The following DENND5B variants were observed in gnomAD, a reference collection of about 807,000 sequenced individuals.
DENND5B encodes DENN domain containing 5B.
DENND5B carries 34 observed loss-of-function variants against 140.6 expected under a neutral mutation model. The observed-to-expected ratio is 0.24, with a 90% CI of 0.18 to 0.32. The LOEUF (loss-of-function observed/expected upper bound fraction) is 0.32, where lower values mean the gene tolerates loss of function less well. Ranked by LOEUF, DENND5B falls within the 10% of genes least tolerant of loss-of-function variation. The pLI is 1.00. For synonymous variants in DENND5B, 551 were observed against 562.1 expected, an observed-to-expected ratio of 0.98 and a Z score of 0.28; for missense variants, 1,142 against 1,560.2, an observed-to-expected ratio of 0.73 and a Z score of 4.52.
chr12:31,479,987 G>T lies in DENND5B; in HGVS notation c.506C>A (p.Ser169Tyr), dbSNP rs1945994992. Residue 169 changes from serine (S) to tyrosine (Y), a missense_variant, in exon 3 of 21, where the codon TCC (serine) becomes TAC (tyrosine). Around this residue, in one of 5 missense-constraint regions of DENND5B, gnomAD observed 708 missense variants for 905.5 expected, o/e 0.78. Coordinates refer to ENST00000389082, the MANE Select transcript of DENND5B (RefSeq NM_144973.4). ...GTTGTATCGCTGGAGTTTCAAAAGG[G>T]AAGTTGTATCTCCTTCATCAAGACT... ...ASSLDEGDTTSLLKLQRYNSY... is the reference protein window; with the variant it reads ...ASSLDEGDTTYLLKLQRYNSY... 6.2e-7 allele frequency: 1 copy of T among 1,613,874 alleles called. No individual in the cohort carries two copies. Among genetic ancestry groups the T allele is most frequent in the African/African-American group, 1.3e-5 (1 of 74,926 alleles).
chr12:31,559,529 C>T (rs111512479), intron 1 of DENND5B, among the ~76,000 whole-genome samples: 1 of 152,160 alleles, frequency 6.6e-6, no homozygotes, highest in South Asian at 2.1e-4. Flanking sequence ...TATGTTCAAC[C>T]GCTGATGATT....
Position 31,424,657 on chromosome 12 carries a change from G to A in DENND5B, c.2269C>T (p.His757Tyr), listed in dbSNP as rs756014330. Residue 757 changes from histidine (H) to tyrosine (Y), a missense_variant, in exon 10 of 21, where the codon CAT becomes TAT. This residue lies in a region of DENND5B where 33 missense variants were observed against 90.8 expected (regional missense o/e 0.36). Coordinates refer to ENST00000389082, the MANE Select transcript of DENND5B (RefSeq NM_144973.4). The stretch of plus-strand genomic sequence containing the variant: ...CCATGGCCAAGTTCCACCGCTTCAT[G>A]TCCCATCTTCTCCACCAACATGCGC... The part of the protein sequence containing the change: ...TKRMLVEKMG[H>Y]EAVELGHGEA... The A allele has an allele frequency of 5.0e-6, 8 of 1,613,890 alleles. No individual in the cohort carries two copies. In the Admixed American group the frequency reaches 1.3e-4, roughly 27 times the overall value.
chr12:31,449,731 G>GTTGTTTTT (rs1555149740), intron 5 of DENND5B, among the ~76,000 whole-genome samples: 1 of 89,970 alleles, frequency 1.1e-5, no homozygotes, highest in Non-Finnish European at 2.1e-5. Flanking sequence ...ACACAGATTA[G>GTTGTTTTT]TTTTTTTTTT....
At chr12:31,559,952 A>C (rs1360276919) in intron 1 of DENND5B, among the ~76,000 whole-genome samples, 1 of 152,014 alleles carries the variant, frequency 6.6e-6, no homozygotes, top group African/African-American at 2.4e-5. Flanking sequence ...ATACTTAGTA[A>C]TTTTTCCCCT....
chr12:31,387,896 T>C (rs1478160840), intron 20 of DENND5B, 110 bp from the exon 21 acceptor site: 2 of 1,132,704 alleles, frequency 1.8e-6, no homozygotes, highest in African/African-American at 3.1e-5. Flanking sequence ...TGGTACAAAA[T>C]GTATCCAAGC....
At chr12:31,574,264 A>AAAAAATAATAAT (rs1949925530) in intron 1 of DENND5B, among the ~76,000 whole-genome samples, 1 of 48,540 alleles carries the variant, frequency 2.1e-5, no homozygotes, top group African/African-American at 1.2e-4. Flanking sequence ...CCCTGTCTCT[A>AAAAAATAATAAT]AAAAATAATA....
chr12:31,533,793 A>G (rs1384548388), intron 1 of DENND5B, among the ~76,000 whole-genome samples: 1 of 152,160 alleles, frequency 6.6e-6, no homozygotes, highest in East Asian at 1.9e-4. Context: ...GTGGTAGGGG[A>G]GGCAGTATAC....
chr12:31,420,551 C>T (rs573663080), intron 11 of DENND5B, among the ~76,000 whole-genome samples: 1 of 151,882 alleles, frequency 6.6e-6, no homozygotes, highest in African/African-American at 2.4e-5. Context: ...TCAAGAGATA[C>T]TCATGCCTCA....
chr12:31,556,892 T>C (rs1949304882), intron 1 of DENND5B, among the ~76,000 whole-genome samples: 2 of 152,160 alleles, frequency 1.3e-5, no homozygotes, highest in Non-Finnish European at 1.5e-5. Flanking sequence ...CTTAGAAATG[T>C]GACTTGAAGG....
intron 11 of DENND5B, among the ~76,000 whole-genome samples, chr12:31,421,963 C>A (rs1192321585): frequency 6.6e-6 from 1 of 152,068 alleles, no homozygotes; most frequent in Non-Finnish European, 1.5e-5. Flanking sequence ...GACAACAGAA[C>A]CTTGGCATTC....
chr12:31,425,443 T>C lies in DENND5B; in HGVS notation c.2239-756A>G, dbSNP rs79536034. Among the ~76,000 whole-genome samples the C allele has an allele frequency of 5.0e-3, 755 of 152,364 alleles. 5 individuals carry two copies. Among genetic ancestry groups the C allele is most frequent in the Non-Finnish European group, 8.3e-3 (562 of 68,032 alleles). On this transcript the variant is annotated intron_variant, in intron 9 of 20. Transcript: ENST00000389082. ...CTAAAGATTCTTGCACTTAGTTTGATTGCACTTAGGTAAAAACCAGAATAC... is the reference window on the plus strand; with the variant it reads ...CTAAAGATTCTTGCACTTAGTTTGACTGCACTTAGGTAAAAACCAGAATAC...
intron 1 of DENND5B, among the ~76,000 whole-genome samples, chr12:31,498,642 GAACT>G (rs1274800832): frequency 2.0e-5 from 3 of 152,072 alleles, no homozygotes; most frequent in Admixed American, 6.6e-5. Flanking sequence ...ATTAGGGGAA[GAACT>G]AACTATGTAG....
At position 31,460,342 on chromosome 12, in the gene DENND5B, G is replaced by A. The variant is rs761798974; in HGVS notation, c.944C>T (p.Thr315Ile). ...RLMTVAEGIT[T>I]LLFPFQWQHV... ...TTGCCATTGAAATGGGAACAAAAGTGTGGTGATGCCTTCTGCCACAGTCAT... is the reference window on the plus strand; with the variant it reads ...TTGCCATTGAAATGGGAACAAAAGTATGGTGATGCCTTCTGCCACAGTCAT... The change falls in exon 4 of 21, where the codon ACA becomes ATA. Residue 315 changes from threonine (T) to isoleucine (I), a missense_variant. Thr to Ile is a moderately conservative substitution (Grantham distance 89, BLOSUM62 -1). This residue lies in a region of DENND5B where 708 missense variants were observed against 905.5 expected (regional missense o/e 0.78). Coordinates refer to ENST00000389082, the MANE Select transcript of DENND5B (RefSeq NM_144973.4). 6.2e-7 allele frequency: 1 copy of A among 1,613,968 alleles called. No homozygotes were observed. Among genetic ancestry groups the A allele is most frequent in the South Asian group, 1.1e-5 (1 of 91,076 alleles).
At chr12:31,463,221 T>C (rs1183903123) in intron 3 of DENND5B, among the ~76,000 whole-genome samples, 1 of 152,174 alleles carries the variant, frequency 6.6e-6, no homozygotes, top group African/African-American at 2.4e-5. Context: ...ATCGTACCAC[T>C]GCACTCCAGG....
intron 13 of DENND5B, among the ~76,000 whole-genome samples, chr12:31,410,393 ATTATTTAT>A (rs959844507): frequency 6.6e-6 from 1 of 151,928 alleles, no homozygotes; most frequent in Non-Finnish European, 1.5e-5. Context: ...GTGCCTTTTT[ATTATTTAT>A]TTATTTATTT....
chr12:31,543,057 G>C (rs1167004657), intron 1 of DENND5B, among the ~76,000 whole-genome samples: 1 of 152,076 alleles, frequency 6.6e-6, no homozygotes, highest in African/African-American at 2.4e-5. Flanking sequence ...AAACTAGCCA[G>C]GCATGGTAGC....
rs36081364 is a variant in DENND5B at position 31,562,926 on chromosome 12, CTT to C, written c.127+27778_127+27779del. Among the ~76,000 whole-genome samples the C allele has an allele frequency of 5.1e-3, 759 of 147,388 alleles. 7 individuals are homozygous for C. Among genetic ancestry groups the C allele is most frequent in the East Asian group, 0.025 (128 of 5,092 alleles). The stretch of plus-strand genomic sequence containing the variant: ...CATCTATAAACTGCTTTCCTTTTTC[CTT>C]TTTTTTTTTTTTTAACAAATTCTAA... On this transcript the variant is annotated intron_variant, in intron 1 of 20. Coordinates refer to ENST00000389082, the MANE Select transcript of DENND5B (RefSeq NM_144973.4).
At chr12:31,583,785 C>T (rs920728115) in intron 1 of DENND5B, among the ~76,000 whole-genome samples, 9 of 152,210 alleles carry the variant, frequency 5.9e-5, no homozygotes, top group Non-Finnish European at 1.0e-4. Flanking sequence ...TTTACTATTT[C>T]ATCACAGATT....
In DENND5B at chr12:31,383,805, T is replaced by TG. The variant is rs1388660168; in HGVS notation, c.*3797_*3798insC. On this transcript the variant is annotated 3_prime_UTR_variant, in exon 21 of 21. Coordinates refer to ENST00000389082, the MANE Select transcript of DENND5B (RefSeq NM_144973.4). Reference sequence around the variant, plus strand: ...GTGTAATGCCACTGTGTCATAAAGGTCAAGATTAGGGGTTTCATGACATAT... The same window carrying TG: ...GTGTAATGCCACTGTGTCATAAAGGTGCAAGATTAGGGGTTTCATGACATAT... 6.6e-6 allele frequency: 1 copy of TG among 152,152 alleles called. No homozygotes were observed. The highest frequency in any genetic ancestry group is 1.5e-5 in the Non-Finnish European group (1 of 68,040). 9.4% of individuals were successfully genotyped at this position (152,152 alleles called of 1,614,324 possible).
Sources: gnomAD v4.1 joint callset for allele counts (sites outside exome capture counted in the v4.1 genomes callset) on GRCh38, gnomAD v4.1.1 for gene constraint, gnomAD v4.1.1 regional missense constraint, MANE v1.5 for transcripts, NCBI Gene and HGNC (gene_info 2026-07-23, HGNC 2026-07-21) for gene names.